Variants in ZNF487 observed in about 807,000 individuals in gnomAD.
ZNF487 encodes zinc finger protein 487, also known as KRAB domain only 1.
A neutral mutation model predicts 3.0 loss-of-function variants in ZNF487; 4 were observed. That is an observed-to-expected ratio of 1.35 (90% CI 0.66 to 3.08). ZNF487 has a LOEUF of 3.08. Ranked by LOEUF, ZNF487 falls within the 30% of genes most tolerant of loss-of-function variation. The pLI is 0.01. For missense variants in ZNF487, 146 were observed against 98.7 expected (o/e 1.48, Z -2.03); for synonymous variants, 55 against 34.6 (o/e 1.59, Z -2.06).
chr10:43,513,148 C>T, the ZNF487 span, among the ~76,000 whole-genome samples: 1 of 152,162 alleles, frequency 6.6e-6, no homozygotes, highest in East Asian at 1.9e-4. Context: ...ATCAAGGTGT[C>T]TCCAAATAAG....
chr10:43,498,616 T>C, the ZNF487 span, among the ~76,000 whole-genome samples: 1 of 151,578 alleles, frequency 6.6e-6, no homozygotes, highest in African/African-American at 2.4e-5. Context: ...AAAAATGGGA[T>C]GCAATAGTGC....
chr10:43,448,800 G>A (rs1199302913), intron 1 of ZNF487, among the ~76,000 whole-genome samples: 3 of 151,936 alleles, frequency 2.0e-5, no homozygotes, highest in Non-Finnish European at 4.4e-5. Flanking sequence ...CTAGGTGACA[G>A]AGGAAGACTC....
rs971071494 is a variant in ZNF487 at position 43,457,559 on chromosome 10, A to G, written c.-93-18162A>G. On this transcript the variant is annotated intron_variant, in intron 1 of 3. Transcript: ENST00000437590. ...GACAAAGCAAGACTCTGTCTTGGGG[A>G]AAAAAAAAAAAAAAAAAGAAAAAGA... 1.0e-3 allele frequency among the ~76,000 whole-genome samples: 133 copies of G among 129,430 alleles called. 1 individual carries two copies. The highest frequency in any genetic ancestry group is 3.5e-3 in the African/African-American group (115 of 32,776). The allele number at this position is 129,430 out of a possible 152,430, so 84.9% of individuals were successfully genotyped here.
chr10:43,473,337 C>T lies in ZNF487; in HGVS notation c.-93-2384C>T, dbSNP rs190807353. 1.1e-3 allele frequency among the ~76,000 whole-genome samples: 171 copies of T among 152,046 alleles called. 1 individual carries two copies. The highest frequency in any genetic ancestry group is 3.4e-3 in the Middle Eastern group (1 of 294). ...TCAGGTGATCTGCCCATTTCGGCCT[C>T]CCAAAGTGCTGAGACTAGAGGTGTG... On this transcript the variant is annotated intron_variant, in intron 1 of 3. Transcript: ENST00000437590.
chr10:43,515,526 C>T, the ZNF487 span, among the ~76,000 whole-genome samples: 1 of 152,194 alleles, frequency 6.6e-6, no homozygotes, highest in Non-Finnish European at 1.5e-5. Flanking sequence ...TCAGGGTCCT[C>T]CCACACATCA....
chr10:43,468,360 C>T (rs1840778686), intron 1 of ZNF487, among the ~76,000 whole-genome samples: 1 of 152,126 alleles, frequency 6.6e-6, no homozygotes, highest in Admixed American at 6.6e-5. Context: ...TAAACAGCAT[C>T]TCATGCTACA....
intron 1 of ZNF487, among the ~76,000 whole-genome samples, chr10:43,457,277 C>T (rs879592195): frequency 3.3e-5 from 5 of 150,302 alleles, no homozygotes; most frequent in Non-Finnish European, 5.9e-5. Context: ...AAAACAAAAA[C>T]CCTAGCGCGG....
the ZNF487 span, among the ~76,000 whole-genome samples, chr10:43,521,865 G>T: frequency 6.6e-6 from 1 of 150,756 alleles, no homozygotes; most frequent in Non-Finnish European, 1.5e-5. Flanking sequence ...ATATACACAC[G>T]TATATATTAT....
At chr10:43,437,391 C>G (rs1839427024) in intron 1 of ZNF487, 129 bp downstream of exon 1, 1 of 159,314 alleles carries the variant, frequency 6.3e-6, no homozygotes, top group African/African-American at 2.4e-5. Context: ...CGAGTCGTGG[C>G]AGAGAGAACC....
At chr10:43,473,379 G>A (rs746926495) in intron 1 of ZNF487, among the ~76,000 whole-genome samples, 2 of 151,976 alleles carry the variant, frequency 1.3e-5, no homozygotes, top group Admixed American at 6.6e-5. Flanking sequence ...CGCGCCTGGC[G>A]TAGGACACTA....
the ZNF487 span, among the ~76,000 whole-genome samples, chr10:43,520,824 T>C: frequency 1.3e-5 from 2 of 152,114 alleles, no homozygotes; most frequent in African/African-American, 4.8e-5. Context: ...GATGAGCAAT[T>C]ATGGAGGAAA....
At chr10:43,515,815 G>A in the ZNF487 span, among the ~76,000 whole-genome samples, 58 of 152,068 alleles carry the variant, frequency 3.8e-4, no homozygotes, top group African/African-American at 1.2e-3. Context: ...TCGCTCGGCC[G>A]CCAGGCTGGA....
intron 1 of ZNF487, among the ~76,000 whole-genome samples, chr10:43,460,577 A>G (rs533943436): frequency 1.4e-5 from 2 of 141,906 alleles, no homozygotes; most frequent in South Asian, 2.1e-4. Flanking sequence ...GGGTTTCACC[A>G]TCTTGACCAG....
intron 1 of ZNF487, among the ~76,000 whole-genome samples, chr10:43,438,811 C>T (rs537462092): frequency 1.8e-4 from 28 of 152,222 alleles, no homozygotes; most frequent in Non-Finnish European, 3.5e-4. Context: ...CTGGATGCAG[C>T]GGCTCATGCT....
chr10:43,498,114 C>CT, the ZNF487 span, among the ~76,000 whole-genome samples: 141 of 24,586 alleles, frequency 5.7e-3, 8 homozygotes, highest in Non-Finnish European at 6.3e-3. Flanking sequence ...TTTTTTTTTT[C>CT]TTTTTTTTTT....
intron 1 of ZNF487, among the ~76,000 whole-genome samples, chr10:43,441,060 T>TTTTC (rs1370790098): frequency 3.8e-5 from 5 of 131,430 alleles, no homozygotes; most frequent in Non-Finnish European, 8.0e-5. Context: ...TTTTTTTTTT[T>TTTTC]TTTTTTTTGG....
chr10:43,465,287 G>T (rs1483404142), intron 1 of ZNF487, among the ~76,000 whole-genome samples: 1 of 150,518 alleles, frequency 6.6e-6, no homozygotes, highest in Non-Finnish European at 1.5e-5. Context: ...CCTGGCGGGG[G>T]CTGATCCCCA....
chr10:43,520,698 T>G, the ZNF487 span, among the ~76,000 whole-genome samples: 2 of 152,186 alleles, frequency 1.3e-5, no homozygotes, highest in Non-Finnish European at 2.9e-5. Context: ...TTATGAAGAT[T>G]TTTTGGGATA....
At chr10:43,513,536 G>T in the ZNF487 span, among the ~76,000 whole-genome samples, 1 of 152,160 alleles carries the variant, frequency 6.6e-6, no homozygotes, top group African/African-American at 2.4e-5. Context: ...CAAGTCCTTG[G>T]TAGTAGCACT....
Sources: allele counts gnomAD v4.1 joint callset (sites outside exome capture counted in the v4.1 genomes callset), GRCh38; gene constraint gnomAD v4.1.1; transcripts MANE v1.5; gene names NCBI Gene and HGNC (gene_info 2026-07-23, HGNC 2026-07-21).